PARD3B: variants seen among roughly 807,000 people sequenced by gnomAD.
PARD3B encodes partitioning defective 3 homolog B.
A neutral mutation model predicts 130.2 loss-of-function variants in PARD3B; 103 were observed. The observed-to-expected ratio is 0.79, with a 90% CI of 0.67 to 0.93. PARD3B has a LOEUF of 0.93. PARD3B is among the 40% of genes least tolerant of loss of function. PARD3B has a pLI of 0.00. For synonymous variants in PARD3B, 583 were observed against 553.2 expected (o/e 1.05, Z -0.76); for missense variants, 1,609 against 1,499.2 (o/e 1.07, Z -1.21).
intron 20 of PARD3B, among the ~76,000 whole-genome samples, chr2:205,487,078 T>C (rs954726596): frequency 1.2e-4 from 18 of 152,334 alleles, no homozygotes; most frequent in African/African-American, 4.3e-4. Flanking sequence ...ATCATTAAGA[T>C]TGGCCTCATG....
chr2:204,926,414 C>T (rs1267545041), intron 2 of PARD3B, among the ~76,000 whole-genome samples: 2 of 152,028 alleles, frequency 1.3e-5, no homozygotes, highest in East Asian at 3.9e-4. Context: ...AAAGAAGTTC[C>T]TAGGTGAAAT....
At chr2:204,612,945 G>A (rs966255818) in intron 1 of PARD3B, among the ~76,000 whole-genome samples, 13 of 151,826 alleles carry the variant, frequency 8.6e-5, no homozygotes, top group Admixed American at 2.0e-4. Flanking sequence ...TATGCATCCT[G>A]CTTCATTAAT....
intron 3 of PARD3B, among the ~76,000 whole-genome samples, chr2:205,028,449 G>A (rs7585163): frequency 5.3e-5 from 8 of 151,820 alleles, no homozygotes; most frequent in Admixed American, 1.3e-4. Flanking sequence ...TGAATTTATC[G>A]CAACATAACA....
intron 18 of PARD3B, among the ~76,000 whole-genome samples, chr2:205,305,005 A>G (rs12615597): frequency 0.6 from 91,079 of 152,058 alleles, 29,243 homozygotes; most frequent in South Asian, 0.75. Context: ...ATTGAATTGG[A>G]TTTTATTAGT....
At chr2:205,180,347 A>G (rs2035720388) in intron 13 of PARD3B, among the ~76,000 whole-genome samples, 1 of 152,006 alleles carries the variant, frequency 6.6e-6, no homozygotes, top group South Asian at 2.1e-4. Flanking sequence ...TGATGCTATA[A>G]AAGAGTATCA....
chr2:204,686,070 T>C (rs2037063306), intron 1 of PARD3B, 111 bp from the exon 2 acceptor site: 1 of 713,128 alleles, frequency 1.4e-6, no homozygotes, highest in Middle Eastern at 2.5e-4. Context: ...GTTTAAAAAT[T>C]TGATTACTAG....
chr2:204,879,546 T>C (rs1205478066), intron 2 of PARD3B, among the ~76,000 whole-genome samples: 2 of 152,186 alleles, frequency 1.3e-5, no homozygotes, highest in South Asian at 4.1e-4. Flanking sequence ...CTGCTTAGAT[T>C]ATATGGCAAT....
chr2:204,766,965 C>CTT (rs68009060), intron 2 of PARD3B, among the ~76,000 whole-genome samples: 5,099 of 114,392 alleles, frequency 0.045, 156 homozygotes, highest in Non-Finnish European at 0.063. Context: ...TTTTCTTTTT[C>CTT]TTTTTTTTTT....
At chr2:205,441,584 T>C (rs953858115) in intron 20 of PARD3B, among the ~76,000 whole-genome samples, 1 of 152,198 alleles carries the variant, frequency 6.6e-6, no homozygotes, top group Non-Finnish European at 1.5e-5. Context: ...TCCAGACTTC[T>C]TAGGGTCCTG....
chr2:204,644,756 A>G (rs1358208902), intron 1 of PARD3B, among the ~76,000 whole-genome samples: 6 of 152,152 alleles, frequency 3.9e-5, no homozygotes, highest in Non-Finnish European at 5.9e-5. Context: ...TGAATCCCAA[A>G]TGAGGTTTAT....
intron 1 of PARD3B, among the ~76,000 whole-genome samples, chr2:204,604,123 C>T (rs765764293): frequency 1.3e-5 from 2 of 152,054 alleles, no homozygotes; most frequent in Non-Finnish European, 2.9e-5. Context: ...TTAGTGACCT[C>T]GTTTCTAGTC....
At chr2:204,657,326 T>C (rs1559034493) in intron 1 of PARD3B, among the ~76,000 whole-genome samples, 1 of 152,086 alleles carries the variant, frequency 6.6e-6, no homozygotes, top group Admixed American at 6.6e-5. Flanking sequence ...CTAGGTAACA[T>C]AGTGAAACCT....
intron 2 of PARD3B, 29 bp downstream of exon 2, chr2:204,686,311 G>A: frequency 6.8e-7 from 1 of 1,478,158 alleles, no homozygotes. Context: ...GTGCCTCTTT[G>A]TTTTCCTCTA....
intron 7 of PARD3B, among the ~76,000 whole-genome samples, chr2:205,119,917 G>C (rs2030461093): frequency 1.3e-5 from 2 of 152,024 alleles, no homozygotes; most frequent in Admixed American, 1.3e-4. Context: ...AATGTGTGTT[G>C]GCATTGCAGT....
intron 15 of PARD3B, among the ~76,000 whole-genome samples, chr2:205,225,608 G>A (rs1355688773): frequency 6.6e-6 from 1 of 152,180 alleles, no homozygotes; most frequent in Admixed American, 6.5e-5. Context: ...TTAACTCATA[G>A]TTCTGCAGGC....
At chr2:205,284,289 G>T (rs912981830) in intron 16 of PARD3B, among the ~76,000 whole-genome samples, 2 of 152,040 alleles carry the variant, frequency 1.3e-5, no homozygotes, top group African/African-American at 4.8e-5. Flanking sequence ...GCTCTGTGAC[G>T]GGTTGTTTTT....
At chr2:204,586,966 A>C (rs1559171063) in intron 1 of PARD3B, among the ~76,000 whole-genome samples, 1 of 152,144 alleles carries the variant, frequency 6.6e-6, no homozygotes, top group Non-Finnish European at 1.5e-5. Flanking sequence ...AGAAAAATCT[A>C]ATGATTTCTT....
intron 22 of PARD3B, among the ~76,000 whole-genome samples, chr2:205,577,119 TGAC>T (rs1175980416): frequency 6.6e-6 from 1 of 152,250 alleles, no homozygotes; most frequent in Non-Finnish European, 1.5e-5. Flanking sequence ...CGAAAATGAT[TGAC>T]TTTTGTATAT....
chr2:204,725,873 C>T (rs997807401), intron 2 of PARD3B, among the ~76,000 whole-genome samples: 1 of 152,178 alleles, frequency 6.6e-6, no homozygotes, highest in African/African-American at 2.4e-5. Flanking sequence ...ACCAATGTCA[C>T]ATAGCTGCTG....
Sources: gnomAD v4.1 joint callset for allele counts (sites outside exome capture counted in the v4.1 genomes callset) on GRCh38, gnomAD v4.1.1 for gene constraint, MANE v1.5 for transcripts, NCBI Gene and HGNC (gene_info 2026-07-23, HGNC 2026-07-21) for gene names.